PRKAG2: variants seen among roughly 807,000 people sequenced by gnomAD.
The protein encoded by PRKAG2 is 5'-AMP-activated protein kinase subunit gamma-2.
In PRKAG2, 26 loss-of-function variants were observed where a neutral mutation model predicts 69.6. That is an observed-to-expected ratio of 0.37 (90% confidence interval 0.27 to 0.52). The LOEUF (loss-of-function observed/expected upper bound fraction) is 0.52, where lower values mean the gene tolerates loss of function less well. Among genes scored for constraint, PRKAG2 ranks in the 20% least tolerant of loss-of-function variants. The pLI is 0.90. For missense variants in PRKAG2, 557 were observed against 740.0 expected, an observed-to-expected ratio of 0.75 and a Z score of 2.87; for synonymous variants, 293 against 285.0, an observed-to-expected ratio of 1.03 and a Z score of -0.28.
At chr7:151,864,019 CT>C (rs2079999458) in intron 1 of PRKAG2, among the ~76,000 whole-genome samples, 2 of 152,174 alleles carry the variant, frequency 1.3e-5, no homozygotes, top group Admixed American at 1.3e-4. Context: ...CGCTTTGAGC[CT>C]TTCCTGAGAA....
At chr7:151,693,015 G>A (rs1295955999) in intron 3 of PRKAG2, among the ~76,000 whole-genome samples, 3 of 152,174 alleles carry the variant, frequency 2.0e-5, no homozygotes, top group East Asian at 3.8e-4. Context: ...TGGGAGAAGG[G>A]GAGGGGGCAG....
chr7:151,727,534 G>C (rs764775132), intron 3 of PRKAG2, among the ~76,000 whole-genome samples: 3 of 152,218 alleles, frequency 2.0e-5, no homozygotes, highest in Admixed American at 1.3e-4. Context: ...GCAGGCTGGC[G>C]CACGGGTGCC....
In PRKAG2 at chr7:151,687,200, C is replaced by T. The variant is rs192554392; in HGVS notation, c.467-11563G>A. ...TGTGGTCCCAGCCTCTGCTGTCTGCCCTGTTCCTTCTTCACGCTTGCTTGG... is the reference window on the plus strand; with the variant it reads ...TGTGGTCCCAGCCTCTGCTGTCTGCTCTGTTCCTTCTTCACGCTTGCTTGG... On this transcript the variant is annotated intron_variant, in intron 3 of 15. Transcript: ENST00000287878. Among the ~76,000 whole-genome samples, 621 of 152,272 alleles carry T rather than the reference C, an allele frequency of 4.1e-3. 2 individuals carry two copies. The highest frequency in any genetic ancestry group is 0.014 in the African/African-American group (570 of 41,544).
At chr7:151,697,111 G>A (rs771486513) in intron 3 of PRKAG2, among the ~76,000 whole-genome samples, 1 of 152,198 alleles carries the variant, frequency 6.6e-6, no homozygotes, top group Non-Finnish European at 1.5e-5. Flanking sequence ...TTGGGCGGGA[G>A]CATCCCCGGG....
At chr7:151,683,992 G>A (rs140959160) in intron 3 of PRKAG2, among the ~76,000 whole-genome samples, 343 of 152,124 alleles carry the variant, frequency 2.3e-3, no homozygotes, top group African/African-American at 8.0e-3. Context: ...CCCTCTCCCC[G>A]CACGGCCCCT....
At chr7:151,721,685 T>C (rs1410394261) in intron 3 of PRKAG2, among the ~76,000 whole-genome samples, 1 of 152,002 alleles carries the variant, frequency 6.6e-6, no homozygotes, top group East Asian at 1.9e-4. Flanking sequence ...AAAATCTGAG[T>C]AGAGATTTAG....
chr7:151,709,227 T>C (rs1452595848), intron 3 of PRKAG2, among the ~76,000 whole-genome samples: 1 of 152,066 alleles, frequency 6.6e-6, no homozygotes, highest in Non-Finnish European at 1.5e-5. Context: ...GTTGTGACAC[T>C]GACATTGTGT....
intron 3 of PRKAG2, among the ~76,000 whole-genome samples, chr7:151,697,360 G>T (rs1475005134): frequency 6.6e-6 from 1 of 152,130 alleles, no homozygotes; most frequent in Non-Finnish European, 1.5e-5. Flanking sequence ...CCCAGCAGGG[G>T]TACCATCATT....
intron 1 of PRKAG2, among the ~76,000 whole-genome samples, chr7:151,823,513 C>T (rs1306392447): frequency 6.6e-6 from 1 of 151,044 alleles, no homozygotes; most frequent in African/African-American, 2.4e-5. Context: ...TCTCCTAAGT[C>T]AGTCCAGGGA....
In PRKAG2 at chr7:151,777,311, G is replaced by C. The variant is rs12703154; in HGVS notation, c.466+3841C>G. 6.6e-6 allele frequency among the ~76,000 whole-genome samples: 1 copy of C among 152,246 alleles called. No individual in the cohort carries two copies. Among genetic ancestry groups the C allele is most frequent in the Non-Finnish European group, 1.5e-5 (1 of 68,044 alleles). ...GTCTGCTGGGACCCGCTGAGATCCA[G>C]AGGGGCTGGGAGTCTTGGATCCACC... On this transcript the variant is annotated intron_variant, in intron 3 of 15. Transcript: ENST00000287878. The surrounding 1 kb of genome is among the most constrained non-coding windows in gnomAD (Gnocchi z 4.3).
chr7:151,770,995 A>C (rs1020808663), intron 3 of PRKAG2, among the ~76,000 whole-genome samples: 56 of 152,324 alleles, frequency 3.7e-4, no homozygotes, highest in African/African-American at 1.3e-3. Flanking sequence ...CTGTGGGCTT[A>C]TGACCTCACA....
chr7:151,575,602 G>T (rs1808697460), intron 7 of PRKAG2, among the ~76,000 whole-genome samples: 1 of 152,186 alleles, frequency 6.6e-6, no homozygotes, highest in Non-Finnish European at 1.5e-5. Context: ...TATAACAATG[G>T]TCTGGCAGAG....
intron 4 of PRKAG2, among the ~76,000 whole-genome samples, chr7:151,639,610 T>A (rs941791252): frequency 6.6e-6 from 1 of 152,182 alleles, no homozygotes; most frequent in Non-Finnish European, 1.5e-5. Context: ...TGGGACACTT[T>A]CCTCTTCCTG....
chr7:151,747,595 A>G (rs1321196861), intron 3 of PRKAG2, among the ~76,000 whole-genome samples: 2 of 152,112 alleles, frequency 1.3e-5, no homozygotes, highest in African/African-American at 2.4e-5. Flanking sequence ...AAAAAACTGT[A>G]AAGTATGTAA....
intron 4 of PRKAG2, among the ~76,000 whole-genome samples, chr7:151,668,249 T>C (rs1180260847): frequency 6.6e-6 from 1 of 152,218 alleles, no homozygotes; most frequent in Non-Finnish European, 1.5e-5. Flanking sequence ...CTTTCTGCTT[T>C]CCATGAGTGG....
rs746302449 is a variant in PRKAG2 at position 151,786,534 on chromosome 7, C to T, written c.122G>A (p.Ser41Asn). The T allele has an allele frequency of 1.2e-6, 2 of 1,612,550 alleles. No individual in the cohort carries two copies. The highest frequency in any genetic ancestry group is 3.3e-5 in the Admixed American group (2 of 59,836). Residue 41 changes from serine (S) to asparagine (N), a missense_variant, in exon 2 of 16, where the codon AGC (serine) becomes AAC (asparagine). Physicochemically the swap from Ser to Asn is conservative, Grantham distance 46 (BLOSUM62 1). Transcript: ENST00000287878. Reference protein sequence around the residue: ...RSLRVHIPDLSSFAMPLLDGD... With the variant: ...RSLRVHIPDLNSFAMPLLDGD... The stretch of plus-strand genomic sequence containing the variant: ...GTCCAGGAGCGGCATGGCGAAGGAG[C>T]TCAGGTCCTAGGGTGGACAGAGAGC...
chr7:151,866,182 C>T (rs1044821948), intron 1 of PRKAG2, among the ~76,000 whole-genome samples: 19 of 152,158 alleles, frequency 1.2e-4, no homozygotes, highest in African/African-American at 4.3e-4. Context: ...AGGGAGGCAG[C>T]AGACGCCGCC....
At chr7:151,665,347 G>A (rs1343125605) in intron 4 of PRKAG2, among the ~76,000 whole-genome samples, 1 of 152,118 alleles carries the variant, frequency 6.6e-6, no homozygotes, top group East Asian at 1.9e-4. Context: ...AGCTACCCTG[G>A]GGAACAGAAT....
At chr7:151,641,626 C>T (rs1662138148) in intron 4 of PRKAG2, among the ~76,000 whole-genome samples, 1 of 151,380 alleles carries the variant, frequency 6.6e-6, no homozygotes, top group South Asian at 2.1e-4. Context: ...CTCACTGTAA[C>T]CTTGAACTCC....
Sources: allele counts gnomAD v4.1 joint callset (sites outside exome capture counted in the v4.1 genomes callset), GRCh38; gene constraint gnomAD v4.1.1; non-coding constraint Gnocchi (gnomAD v3.1); transcripts MANE v1.5; gene names NCBI Gene and HGNC (gene_info 2026-07-23, HGNC 2026-07-21).